Variants in NID1 observed in about 807,000 individuals in gnomAD.
NID1 encodes nidogen-1.
In NID1, 76 loss-of-function variants were observed where a neutral mutation model predicts 130.6. The observed-to-expected ratio is 0.58, with a 90% CI of 0.48 to 0.70. The LOEUF (loss-of-function observed/expected upper bound fraction) is 0.70. NID1 is among the 30% of genes least tolerant of loss of function. The probability of loss-of-function intolerance (pLI) is 0.00; values close to 1 mark genes in which losing one functional copy is unlikely to be tolerated. For missense variants in NID1, 1,517 were observed against 1,664.8 expected, an observed-to-expected ratio of 0.91 and a Z score of 1.54; for synonymous variants, 665 against 675.1, an observed-to-expected ratio of 0.98 and a Z score of 0.23.
At chr1:236,054,402 G>C (rs966280163) in intron 1 of NID1, among the ~76,000 whole-genome samples, 1 of 152,074 alleles carries the variant, frequency 6.6e-6, no homozygotes, top group African/African-American at 2.4e-5. Flanking sequence ...GTTACAGTGA[G>C]CCGAGACTGC....
chr1:236,020,065 C>A (rs10927271), intron 9 of NID1, among the ~76,000 whole-genome samples: 37,558 of 106,022 alleles, frequency 0.35, 6,027 homozygotes, highest in Non-Finnish European at 0.42. Context: ...AAAACAAAAA[C>A]AAACTTCTTT....
intron 17 of NID1, 116 bp downstream of exon 17, chr1:235,980,380 C>T (rs1474715510): frequency 1.9e-6 from 2 of 1,028,850 alleles, no homozygotes; most frequent in Non-Finnish European, 1.4e-6. Context: ...CCATTCATAG[C>T]TTCTGGGTTA....
chr1:236,035,768 G>A (rs1325275086), intron 5 of NID1, among the ~76,000 whole-genome samples: 2 of 152,138 alleles, frequency 1.3e-5, no homozygotes, highest in Non-Finnish European at 2.9e-5. Context: ...GATCAGCCAG[G>A]ACATATCCAA....
chr1:236,043,545 T>C (rs1377681169), intron 3 of NID1, among the ~76,000 whole-genome samples: 2 of 152,076 alleles, frequency 1.3e-5, no homozygotes, highest in Admixed American at 6.6e-5. Context: ...ACACCTGTAA[T>C]CCCAGCACTT....
In NID1 at chr1:236,012,059, C is replaced by T. The variant is rs200432583; in HGVS notation, c.2405-16G>A. ...TCATCTACATCTGTAAAACAGCCAC[C>T]AGGCCCAGGGACAATGAGATTTCTT... On this transcript the variant is annotated splice_polypyrimidine_tract_variant and intron_variant, in intron 11 of 19. Transcript: ENST00000264187. 64 of 1,608,754 alleles carry T rather than the reference C, an allele frequency of 4.0e-5. No individual in the cohort carries two copies. The highest frequency in any genetic ancestry group is 5.2e-5 in the Non-Finnish European group (61 of 1,175,638).
chr1:235,998,084 T>G (rs1657977822), intron 12 of NID1, among the ~76,000 whole-genome samples: 1 of 152,218 alleles, frequency 6.6e-6, no homozygotes, highest in African/African-American at 2.4e-5. Context: ...TGCACCCAGA[T>G]GTTCATTTGC....
At position 235,980,503 on chromosome 1, in the gene NID1, C is replaced by A; in HGVS notation, c.3378G>T (p.Val1126=). ...TGTCCAGCTTTCCATCACCTGCATC[C>A]ACCCAGCAGAGCTGAGATGAGAACG... The part of the protein sequence containing the change: ...FDAFSSQLCW[V]DAGTNRAECL... The change falls in exon 17 of 20, where the codon GTG becomes GTT. Residue 1126 remains valine (V), a synonymous_variant. Transcript: ENST00000264187. The A allele has an allele frequency of 6.2e-7, 1 of 1,614,086 alleles. No individual in the cohort carries two copies.
intron 1 of NID1, among the ~76,000 whole-genome samples, chr1:236,054,467 T>A (rs1659843008): frequency 6.6e-6 from 1 of 151,846 alleles, no homozygotes; most frequent in Non-Finnish European, 1.5e-5. Flanking sequence ...AAAACAAAAG[T>A]CCTAAGAGAC....
chr1:236,032,760 A>G lies in NID1; in HGVS notation c.1286-108T>C, dbSNP rs1659138226. On this transcript the variant is annotated intron_variant, in intron 5 of 19. Coordinates refer to ENST00000264187, the MANE Select transcript of NID1 (RefSeq NM_002508.3). ...TATTGGTGAAGAAAGCAAAGAAACA[A>G]AACAGCACTGGGGTCAATGGCTTTG... The G allele has an allele frequency of 2.0e-5, 29 of 1,419,344 alleles. 1 individual carries two copies. Among genetic ancestry groups the G allele is most frequent in the Non-Finnish European group, 2.6e-5 (28 of 1,059,502 alleles). The allele number at this position is 1,419,344 out of a possible 1,614,324, so 87.9% of individuals were successfully genotyped here.
In NID1 at chr1:236,048,808, T is replaced by A. The variant is rs201378154; in HGVS notation, c.407A>T (p.Glu136Val). 2 of 1,614,116 alleles carry A rather than the reference T, an allele frequency of 1.2e-6. No homozygotes were observed. The highest frequency in any genetic ancestry group is 1.3e-5 in the African/African-American group (1 of 75,016). ...CTCCGGGAACCCTCTGTGGACACAC[T>A]CTGCTGCTCGCTGAGTGATGGAGGG... is the stretch of plus-strand genomic sequence containing the variant. Reference protein sequence around the residue: ...LSPSITQRAAECVHRGFPEIS... With the variant: ...LSPSITQRAAVCVHRGFPEIS... Residue 136 changes from glutamate to valine, a missense_variant, in exon 2 of 20, where the codon GAG (glutamate) becomes GTG (valine). Coordinates refer to ENST00000264187, the MANE Select transcript of NID1 (RefSeq NM_002508.3).
intron 1 of NID1, among the ~76,000 whole-genome samples, chr1:236,062,796 A>G (rs1447857853): frequency 6.6e-6 from 1 of 152,162 alleles, no homozygotes. Flanking sequence ...ATGATCTTCA[A>G]AGTTCAATCG....
At position 236,064,954 on chromosome 1, in the gene NID1, C is replaced by A. The variant is rs143222129; in HGVS notation, c.126G>T (p.Gly42=). The change falls in exon 1 of 20, where the codon GGG becomes GGT. Residue 42 remains glycine (G), a synonymous_variant. Transcript: ENST00000264187. ...CATCCCCGTCCTCCAGCTCCAGGTC[C>A]CCCTGTCCGGGGCCGAAGGGAAAGA... ...QELFPFGPGQ[G]DLELEDGDDF... 188 of 1,604,464 alleles carry A rather than the reference C, an allele frequency of 1.2e-4. No homozygotes were observed. The Middle Eastern group carries it at 2.1e-3, about 18-fold the overall frequency.
In NID1 at chr1:235,990,943, C is replaced by T. The variant is rs144047545; in HGVS notation, c.2871G>A (p.Leu957=). 6.2e-7 allele frequency: 1 copy of T among 1,614,160 alleles called. No homozygotes were observed. Among genetic ancestry groups the T allele is most frequent in the Non-Finnish European group, 8.5e-7 (1 of 1,180,032 alleles). ...TCCTCATGGTATTTCCCTCCAGGGGCAGGCGCTCAATCTTCCCAGTCTGGG... is the reference window on the plus strand; with the variant it reads ...TCCTCATGGTATTTCCCTCCAGGGGTAGGCGCTCAATCTTCCCAGTCTGGG... ...LFAQTGKIER[L]PLEGNTMRKT... The change falls in exon 14 of 20, where the codon CTG becomes CTA. Residue 957 remains leucine (L), a synonymous_variant. Coordinates refer to ENST00000264187, the MANE Select transcript of NID1 (RefSeq NM_002508.3).
chr1:235,994,995 G>A (rs1572583116), intron 12 of NID1, among the ~76,000 whole-genome samples: 1 of 152,156 alleles, frequency 6.6e-6, no homozygotes, highest in East Asian at 1.9e-4. Flanking sequence ...ACCAACATTT[G>A]TATGTTTTCC....
chr1:236,063,480 AAAT>A (rs1209294796), intron 1 of NID1, among the ~76,000 whole-genome samples: 2,157 of 143,004 alleles, frequency 0.015, 56 homozygotes, highest in African/African-American at 0.059. Flanking sequence ...TCAAAAAAAA[AAAT>A]AAATAAATAA....
intron 5 of NID1, among the ~76,000 whole-genome samples, chr1:236,036,701 G>A (rs1659272827): frequency 6.6e-6 from 1 of 152,166 alleles, no homozygotes; most frequent in Admixed American, 6.5e-5. Flanking sequence ...ATGCAGTCAT[G>A]GATTAATGGA....
rs1222178596 is a variant in NID1, at chr1:235,985,420, G to C, written c.3014C>G (p.Ala1005Gly). 2.5e-6 allele frequency: 4 copies of C among 1,614,062 alleles called. No individual in the cohort carries two copies. The highest frequency in any genetic ancestry group is 1.7e-6 in the Non-Finnish European group (2 of 1,179,950). ...GGTTGGCTCTCCACCATGTAGACTA[G>C]CTCTCCCAATGGAAGGCTCAGTGAT... is the stretch of plus-strand genomic sequence containing the variant. ...TDITEPSIGR[A>G]SLHGGEPTTI... The change falls in exon 15 of 20, where the codon GCT becomes GGT. Residue 1005 changes from alanine (A) to glycine (G), a missense_variant. Transcript: ENST00000264187.
intron 5 of NID1, among the ~76,000 whole-genome samples, chr1:236,033,325 G>T (rs1659156348): frequency 6.6e-6 from 1 of 152,140 alleles, no homozygotes; most frequent in African/African-American, 2.4e-5. Context: ...GAGAGAGAGA[G>T]TAAAAGGAGT....
At chr1:235,998,494 G>C (rs1657990551) in intron 12 of NID1, among the ~76,000 whole-genome samples, 1 of 152,050 alleles carries the variant, frequency 6.6e-6, no homozygotes, top group South Asian at 2.1e-4. Context: ...GGCCAACATG[G>C]AGAAACCCCG....
Sources: allele counts gnomAD v4.1 joint callset (sites outside exome capture counted in the v4.1 genomes callset), GRCh38; gene constraint gnomAD v4.1.1; transcripts MANE v1.5; gene names NCBI Gene and HGNC (gene_info 2026-07-23, HGNC 2026-07-21).